Variants in KCNT2 observed in about 807,000 individuals in gnomAD.
The protein encoded by KCNT2 is potassium channel subfamily T member 2.
In KCNT2, 67 loss-of-function variants were observed where a neutral mutation model predicts 153.8. That is an observed-to-expected ratio of 0.44 (90% confidence interval 0.36 to 0.53). KCNT2 has a LOEUF of 0.53. KCNT2 is among the 20% of genes least tolerant of loss of function. The pLI, the probability that KCNT2 is intolerant of heterozygous loss-of-function variation, is 0.00. For synonymous variants in KCNT2, 500 were observed against 458.8 expected (o/e 1.09, Z -1.15); for missense variants, 975 against 1,354.8 (o/e 0.72, Z 4.40).
At chr1:196,231,119 C>G (rs934892864) in intron 27 of KCNT2, among the ~76,000 whole-genome samples, 6 of 151,602 alleles carry the variant, frequency 4.0e-5, no homozygotes, top group African/African-American at 1.5e-4. Flanking sequence ...GACTCTCTAC[C>G]GGCAAAAAAA....
intron 1 of KCNT2, among the ~76,000 whole-genome samples, chr1:196,509,833 A>G (rs1446302634): frequency 6.6e-6 from 1 of 151,882 alleles, no homozygotes; most frequent in East Asian, 1.9e-4. Flanking sequence ...CAACTAAACT[A>G]AATCTGAACT....
At chr1:196,233,869 T>C (rs963259591) in intron 27 of KCNT2, among the ~76,000 whole-genome samples, 1 of 151,356 alleles carries the variant, frequency 6.6e-6, no homozygotes, top group Non-Finnish European at 1.5e-5. Flanking sequence ...CTCATGGAGA[T>C]AGTAGGCAGA....
chr1:196,250,110 T>G (rs1199720405), intron 26 of KCNT2, among the ~76,000 whole-genome samples: 1 of 152,090 alleles, frequency 6.6e-6, no homozygotes, highest in Admixed American at 6.6e-5. Context: ...ATTCTAAAAT[T>G]TATATGGTAC....
At chr1:196,313,857 T>TAC (rs1662438174) in intron 21 of KCNT2, among the ~76,000 whole-genome samples, 1 of 151,598 alleles carries the variant, frequency 6.6e-6, no homozygotes, top group South Asian at 2.1e-4. Context: ...ACTATATATA[T>TAC]ACCATAAAAA....
At chr1:196,271,332 T>C (rs1658046218) in intron 25 of KCNT2, among the ~76,000 whole-genome samples, 1 of 152,066 alleles carries the variant, frequency 6.6e-6, no homozygotes, top group African/African-American at 2.4e-5. Flanking sequence ...AGTTTTCATT[T>C]TGTAGACTAG....
At position 196,465,394 on chromosome 1, in the gene KCNT2, T is replaced by C. The variant is rs1206749909; in HGVS notation, c.544-7A>G. The C allele has an allele frequency of 2.6e-6, 4 of 1,546,278 alleles. No individual in the cohort carries two copies. The African/African-American group carries it at 5.6e-5, about 22-fold the overall frequency. On this transcript the variant is annotated splice_polypyrimidine_tract_variant and splice_region_variant and intron_variant, in intron 7 of 27. Transcript: ENST00000294725. Reference sequence around the variant, plus strand: ...TGGCTCTGTGTAGATCATTCTAAAATAATACAGAAAAAAAGTTGTAAATTT... The same window carrying C: ...TGGCTCTGTGTAGATCATTCTAAAACAATACAGAAAAAAAGTTGTAAATTT...
chr1:196,411,857 G>A (rs1351169598), intron 12 of KCNT2, among the ~76,000 whole-genome samples: 1 of 151,658 alleles, frequency 6.6e-6, no homozygotes. Context: ...ACCAATCCCT[G>A]TATATGCTAT....
chr1:196,243,535 G>A (rs1422545742), intron 26 of KCNT2, among the ~76,000 whole-genome samples: 1 of 152,114 alleles, frequency 6.6e-6, no homozygotes, highest in African/African-American at 2.4e-5. Flanking sequence ...TGCACTCGGG[G>A]AATGGAGAAC....
chr1:196,452,969 A>G (rs1009408634), intron 8 of KCNT2, among the ~76,000 whole-genome samples: 1 of 152,016 alleles, frequency 6.6e-6, no homozygotes, highest in Non-Finnish European at 1.5e-5. Context: ...GAATGTTTCA[A>G]CAACTATCTG....
At chr1:196,511,038 C>T (rs1681570025) in intron 1 of KCNT2, among the ~76,000 whole-genome samples, 1 of 151,922 alleles carries the variant, frequency 6.6e-6, no homozygotes, top group South Asian at 2.1e-4. Context: ...CCAGATGTCC[C>T]ATGAAACTCT....
chr1:196,554,270 A>T, intron 1 of KCNT2, among the ~76,000 whole-genome samples: 1 of 151,186 alleles, frequency 6.6e-6, no homozygotes, highest in East Asian at 1.9e-4. Flanking sequence ...CAAACCAACT[A>T]AGAAAAAAGA....
chr1:196,394,278 A>T (rs986632773), intron 13 of KCNT2, among the ~76,000 whole-genome samples: 2 of 151,552 alleles, frequency 1.3e-5, no homozygotes, highest in African/African-American at 4.8e-5. Context: ...AAGCTTATAG[A>T]TACAACATGT....
intron 26 of KCNT2, among the ~76,000 whole-genome samples, chr1:196,248,896 T>C (rs1158325393): frequency 1.3e-5 from 2 of 152,150 alleles, no homozygotes; most frequent in East Asian, 1.9e-4. Flanking sequence ...TGAACATTGA[T>C]GCAAAAATCC....
At chr1:196,284,251 ATATATAT>A (rs1659431089) in intron 23 of KCNT2, among the ~76,000 whole-genome samples, 6 of 48,446 alleles carry the variant, frequency 1.2e-4, no homozygotes, top group African/African-American at 2.7e-4. Flanking sequence ...AAAAAAAAAT[ATATATAT>A]ATATATATAT....
chr1:196,379,038 A>G (rs1461779037), intron 13 of KCNT2, among the ~76,000 whole-genome samples: 3 of 151,706 alleles, frequency 2.0e-5, no homozygotes, highest in Non-Finnish European at 4.4e-5. Flanking sequence ...ATATGGCCAC[A>G]TTACTAGGGT....
intron 1 of KCNT2, among the ~76,000 whole-genome samples, chr1:196,540,802 C>T (rs534367451): frequency 1.6e-4 from 24 of 152,244 alleles, no homozygotes; most frequent in African/African-American, 5.8e-4. Context: ...CGCTGTGGCT[C>T]ACGCCTGTAA....
chr1:196,390,280 CTG>C (rs1670359191), intron 13 of KCNT2, among the ~76,000 whole-genome samples: 2 of 151,604 alleles, frequency 1.3e-5, no homozygotes, highest in South Asian at 4.2e-4. Flanking sequence ...TGTGCAATCA[CTG>C]GACATATAAA....
intron 1 of KCNT2, among the ~76,000 whole-genome samples, chr1:196,500,328 AAG>A (rs1177152733): frequency 2.7e-5 from 4 of 149,334 alleles, no homozygotes; most frequent in Non-Finnish European, 5.9e-5. Context: ...GAGGGAAAGA[AAG>A]AAAAAGAAAC....
At chr1:196,518,442 T>A (rs1652893499) in intron 1 of KCNT2, among the ~76,000 whole-genome samples, 2 of 141,446 alleles carry the variant, frequency 1.4e-5, no homozygotes, top group African/African-American at 2.6e-5. Context: ...AGGCTAAATC[T>A]CACCATTTAA....
Sources: allele counts gnomAD v4.1 joint callset (sites outside exome capture counted in the v4.1 genomes callset), GRCh38; gene constraint gnomAD v4.1.1; transcripts MANE v1.5; gene names NCBI Gene and HGNC (gene_info 2026-07-23, HGNC 2026-07-21).